Variants in ROS1 observed in about 807,000 individuals in gnomAD.
ROS1 encodes the protein proto-oncogene tyrosine-protein kinase ROS.
A neutral mutation model predicts 273.5 loss-of-function variants in ROS1; 263 were observed. The ratio of observed to expected loss-of-function variants is 0.96; its 90% CI spans 0.87 to 1.06. The LOEUF (loss-of-function observed/expected upper bound fraction) is 1.06. ROS1 is among the 50% of genes least tolerant of loss of function. The pLI, the probability that ROS1 is intolerant of heterozygous loss-of-function variation, is 0.00. For synonymous variants in ROS1, 1,008 were observed against 954.1 expected (o/e 1.06, Z -1.04); for missense variants, 2,833 against 2,751.1 (o/e 1.03, Z -0.67).
chr6:117,387,905 C>T lies in ROS1; in HGVS notation c.1874G>A (p.Ser625Asn), dbSNP rs1224165751. 2.8e-5 allele frequency: 46 copies of T among 1,614,074 alleles called. No homozygotes were observed. The highest frequency in any genetic ancestry group is 3.6e-5 in the Non-Finnish European group (42 of 1,180,026). ...CTCAGGTACATTCAGCATGGTTCCA[C>T]TTATGTTCAAGAAAATATGAGTGAC... The part of the protein sequence containing the change: ...PEVTHIFLNI[S>N]GTMLNVPELQ... The change falls in exon 14 of 44, where the codon AGT (serine) becomes AAT (asparagine). Residue 625 changes from serine (S) to asparagine (N), a missense_variant. Ser to Asn is a conservative substitution (Grantham distance 46). Coordinates refer to ENST00000368507, the MANE Select transcript of ROS1 (RefSeq NM_001378902.1).
At chr6:117,403,953 G>C (rs992215471) in intron 6 of ROS1, among the ~76,000 whole-genome samples, 5 of 152,122 alleles carry the variant, frequency 3.3e-5, no homozygotes, top group African/African-American at 1.2e-4. Context: ...TTAAAAATTG[G>C]GGGCAGGGCG....
chr6:117,369,443 G>T (rs1007023868), intron 18 of ROS1, among the ~76,000 whole-genome samples: 1 of 152,020 alleles, frequency 6.6e-6, no homozygotes, highest in Non-Finnish European at 1.5e-5. Context: ...GCGTGTTGGC[G>T]GGCGCCTGTA....
rs1426134489 is a variant in ROS1 at position 117,393,208 on chromosome 6, C to T, written c.1289+16G>A. On this transcript the variant is annotated intron_variant, in intron 12 of 43. Coordinates refer to ENST00000368507, the MANE Select transcript of ROS1 (RefSeq NM_001378902.1). Reference sequence around the variant, plus strand: ...CCCAATGGAAGAGAATTCATCTTTACAAGGCTAACACATACCCATTGTATG... The same window carrying T: ...CCCAATGGAAGAGAATTCATCTTTATAAGGCTAACACATACCCATTGTATG... The T allele has an allele frequency of 1.4e-6, 2 of 1,397,824 alleles. No individual in the cohort carries two copies. The highest frequency in any genetic ancestry group is 3.4e-5 in the Admixed American group (2 of 58,066). 86.6% of individuals were successfully genotyped at this position (1,397,824 alleles called of 1,614,324 possible).
intron 15 of ROS1, among the ~76,000 whole-genome samples, chr6:117,386,065 C>T (rs1257384322): frequency 1.3e-5 from 2 of 152,202 alleles, no homozygotes; most frequent in Non-Finnish European, 2.9e-5. Flanking sequence ...GGATACACAT[C>T]GAGCATCTCC....
chr6:117,358,613 C>A (rs555865253), intron 24 of ROS1, among the ~76,000 whole-genome samples: 1 of 152,050 alleles, frequency 6.6e-6, no homozygotes, highest in Non-Finnish European at 1.5e-5. Context: ...GTGCGCACCA[C>A]CACGTCCAGC....
At position 117,310,138 on chromosome 6, in the gene ROS1, C is replaced by T. The variant is rs199882276; in HGVS notation, c.6359G>A (p.Arg2120Gln). The change falls in exon 41 of 44, where the codon CGG becomes CAG. Residue 2120 changes from arginine (R) to glutamine (Q), a missense_variant. Transcript: ENST00000368507. ...CATCAAACTTTCTGGAGCCATCCAC[C>T]GAACTGGGAGCAGGCCTTCCCCTCT... Reference protein sequence around the residue: ...RKRGEGLLPVRWMAPESLMDG... With the variant: ...RKRGEGLLPVQWMAPESLMDG... 1,395 of 1,613,440 alleles carry T rather than the reference C, an allele frequency of 8.6e-4. 3 individuals are homozygous for T. Among genetic ancestry groups the T allele is most frequent in the South Asian group, 4.7e-3 (429 of 91,068 alleles).
Position 117,296,574 on chromosome 6 carries a change from C to T in ROS1, c.6715+4400G>A, listed in dbSNP as rs548830542. Among the ~76,000 whole-genome samples, 8 of 152,134 alleles carry T rather than the reference C, an allele frequency of 5.3e-5. 1 individual carries two copies. The East Asian group carries it at 1.4e-3, about 26-fold the overall frequency. On this transcript the variant is annotated intron_variant, in intron 43 of 43. Transcript: ENST00000368507. ...CACAGAAAGATAAATATCTCATGTT[C>T]TCATTTCTTTGTGAAATATAAAAAT...
At position 117,353,264 on chromosome 6, in the gene ROS1, A is replaced by C. The variant is rs1299455956; in HGVS notation, c.4127-98T>G. On this transcript the variant is annotated intron_variant, in intron 26 of 43. Transcript: ENST00000368507. ...AATTTTTTCTATATTATAATTGCTA[A>C]ATTTTGAATCTATTATTTCAACATT... 6.2e-6 allele frequency: 5 copies of C among 809,236 alleles called. No individual in the cohort carries two copies. The African/African-American group carries it at 8.8e-5, about 14-fold the overall frequency. 50.1% of individuals were successfully genotyped at this position (809,236 alleles called of 1,614,324 possible). A position where few individuals can be genotyped will look rare whatever the true frequency, so the allele number is the denominator to read the frequency against.
chr6:117,387,191 A>G (rs953714048), intron 14 of ROS1, among the ~76,000 whole-genome samples, 192 bp from the exon 15 acceptor site: 4 of 152,240 alleles, frequency 2.6e-5, no homozygotes, highest in Admixed American at 1.3e-4. Flanking sequence ...CCCATTAAAC[A>G]TACTTTCTGA....
intron 9 of ROS1, 48 bp from the exon 10 acceptor site, chr6:117,394,786 C>A (rs1465903215): frequency 1.3e-6 from 2 of 1,507,212 alleles, no homozygotes; most frequent in Admixed American, 1.9e-5. Flanking sequence ...ACCACAGGTA[C>A]ACTAACAGAC....
intron 7 of ROS1, among the ~76,000 whole-genome samples, chr6:117,398,693 A>AAAAAAAAAAAAC (rs1554252569): frequency 2.8e-5 from 4 of 141,198 alleles, no homozygotes; most frequent in Non-Finnish European, 6.4e-5. Context: ...AAAAAAAAAA[A>AAAAAAAAAAAAC]AAAACTCGCG....
chr6:117,341,081 G>C, intron 31 of ROS1, 54 bp downstream of exon 31: 1 of 1,185,086 alleles, frequency 8.4e-7, no homozygotes, highest in Non-Finnish European at 1.2e-6. Flanking sequence ...GCATGAAAAA[G>C]CCCTTTCCAA....
At position 117,288,657 on chromosome 6, in the gene ROS1, G is replaced by A. The variant is rs764341045; in HGVS notation, c.6861C>T (p.Gly2287=). The A allele has an allele frequency of 2.5e-6, 4 of 1,614,064 alleles. No individual in the cohort carries two copies. The highest frequency in any genetic ancestry group is 3.4e-6 in the Non-Finnish European group (4 of 1,180,008). The change falls in exon 44 of 44, where the codon GGC becomes GGT. Residue 2287 remains glycine, a synonymous_variant. Transcript: ENST00000368507. The part of the protein sequence containing the change: ...QGEEKSEGPL[G]SQESESCGLR... ...GACCACAAGATTCAGATTCCTGGGAGCCTAGAGGACCCTCAGACTTTTCTT... is the reference window on the plus strand; with the variant it reads ...GACCACAAGATTCAGATTCCTGGGAACCTAGAGGACCCTCAGACTTTTCTT...
At chr6:117,411,939 C>T (rs542006013) in intron 4 of ROS1, among the ~76,000 whole-genome samples, 1 of 152,150 alleles carries the variant, frequency 6.6e-6, no homozygotes, top group South Asian at 2.1e-4. Context: ...AAGTCAAAGG[C>T]ACAGGTATAA....
At chr6:117,419,177 A>G (rs557655286) in intron 1 of ROS1, among the ~76,000 whole-genome samples, 3 of 152,292 alleles carry the variant, frequency 2.0e-5, no homozygotes, top group African/African-American at 7.2e-5. Context: ...CTCACTGAGC[A>G]TGCTCCTGCT....
rs867663716 is a variant in ROS1, at chr6:117,409,440, T to C, written c.316+142A>G. 3.1e-5 allele frequency: 21 copies of C among 668,678 alleles called. No individual in the cohort carries two copies. The African/African-American group carries it at 3.3e-4, about 10-fold the overall frequency. 41.4% of individuals were successfully genotyped at this position (668,678 alleles called of 1,614,324 possible). A position where few individuals can be genotyped will look rare whatever the true frequency, so the allele number is the denominator to read the frequency against. On this transcript the variant is annotated intron_variant, in intron 5 of 43. Coordinates refer to ENST00000368507, the MANE Select transcript of ROS1 (RefSeq NM_001378902.1). ...AGAATGGCCTATACGTTTGAAATTA[T>C]TGAATTCTCTAAATAGATATTTTTG...
At chr6:117,288,922 T>G in intron 43 of ROS1, 120 bp from the exon 44 acceptor site, 3 of 780,326 alleles carry the variant, frequency 3.8e-6, no homozygotes, top group Non-Finnish European at 5.9e-6. Flanking sequence ...CAAACATTTA[T>G]GAAGACTACT....
chr6:117,421,238 A>T (rs968431963), intron 1 of ROS1, among the ~76,000 whole-genome samples: 23 of 146,828 alleles, frequency 1.6e-4, no homozygotes, highest in African/African-American at 4.5e-4. Flanking sequence ...ATTATATTGC[A>T]ATATATATAT....
chr6:117,365,818 A>T, intron 19 of ROS1, 77 bp from the exon 20 acceptor site: 1 of 1,142,804 alleles, frequency 8.8e-7, no homozygotes, highest in Non-Finnish European at 1.2e-6. Context: ...ATAGAAAATC[A>T]ATAGCAATTA....
Sources: gnomAD v4.1 joint callset for allele counts (sites outside exome capture counted in the v4.1 genomes callset) on GRCh38, gnomAD v4.1.1 for gene constraint, MANE v1.5 for transcripts, NCBI Gene and HGNC (gene_info 2026-07-23, HGNC 2026-07-21) for gene names.